OSBPL11: variants seen among roughly 807,000 people sequenced by gnomAD.
OSBPL11 encodes oxysterol-binding protein-related protein 11.
A neutral mutation model predicts 84.4 loss-of-function variants in OSBPL11; 33 were observed. The ratio of observed to expected loss-of-function variants is 0.39; its 90% CI spans 0.30 to 0.52. OSBPL11 has a LOEUF of 0.52. Among genes scored for constraint, OSBPL11 ranks in the 20% least tolerant of loss-of-function variants. OSBPL11 has a pLI of 0.72. For missense variants in OSBPL11, 736 were observed against 901.1 expected (o/e 0.82, Z 2.35); for synonymous variants, 276 against 310.2 (o/e 0.89, Z 1.16).
Position 125,539,300 on chromosome 3 carries a change from C to CATATATAT in OSBPL11, c.1842-675_1842-668dup, listed in dbSNP as rs10678056. ...AAGTTTAATGAAGAGTCACCACAGC[C>CATATATAT]ATATATATATATATATATATATATA... On this transcript the variant is annotated intron_variant, in intron 10 of 12. Coordinates refer to ENST00000296220, the MANE Select transcript of OSBPL11 (RefSeq NM_022776.5). Among the ~76,000 whole-genome samples the CATATATAT allele has an allele frequency of 4.7e-3, 317 of 67,756 alleles. 2 individuals carry two copies. Among genetic ancestry groups the CATATATAT allele is most frequent in the Middle Eastern group, 0.01 (1 of 100 alleles). 44.5% of individuals were successfully genotyped at this position (67,756 alleles called of 152,430 possible).
chr3:125,583,438 G>A lies in OSBPL11; in HGVS notation c.165-460C>T, dbSNP rs559697937. Reference sequence around the variant, plus strand: ...TCTACTAAAAATACAAAAATTCATCGGGCGTGGTGGTGTGTGCCTGTAGTC... The same window carrying A: ...TCTACTAAAAATACAAAAATTCATCAGGCGTGGTGGTGTGTGCCTGTAGTC... On this transcript the variant is annotated intron_variant, in intron 1 of 12. Transcript: ENST00000296220. Among the ~76,000 whole-genome samples the A allele has an allele frequency of 2.6e-4, 39 of 151,522 alleles. No individual in the cohort carries two copies. The South Asian group carries it at 3.3e-3, about 13-fold the overall frequency.
rs78628164 is a variant in OSBPL11 at position 125,587,171 on chromosome 3, A to G, written c.165-4193T>C. 7.8e-3 allele frequency among the ~76,000 whole-genome samples: 1,194 copies of G among 152,350 alleles called. 11 individuals carry two copies. Among genetic ancestry groups the G allele is most frequent in the Non-Finnish European group, 0.014 (923 of 68,028 alleles). ...ACAGAGGATTCAGTAGTGAGTGAGA[A>G]GGCTGAAATGACTAGATTTGATGAC... On this transcript the variant is annotated intron_variant, in intron 1 of 12. Transcript: ENST00000296220.
chr3:125,587,227 G>C (rs980457811), intron 1 of OSBPL11, among the ~76,000 whole-genome samples: 1 of 152,196 alleles, frequency 6.6e-6, no homozygotes, highest in African/African-American at 2.4e-5. Flanking sequence ...CAGAAAGAAT[G>C]AAAGTGAGAG....
At chr3:125,593,805 TAC>T (rs1381322809) in intron 1 of OSBPL11, among the ~76,000 whole-genome samples, 4 of 152,112 alleles carry the variant, frequency 2.6e-5, no homozygotes, top group African/African-American at 9.7e-5. Flanking sequence ...TAAAAAGGAC[TAC>T]AGTTAGGCAC....
At chr3:125,532,289 C>T (rs1013316985) in intron 11 of OSBPL11, among the ~76,000 whole-genome samples, 14 of 151,860 alleles carry the variant, frequency 9.2e-5, no homozygotes, top group South Asian at 2.1e-4. Flanking sequence ...TAGAAATTAA[C>T]GAGTAAAAAG....
chr3:125,551,250 A>C (rs1413854186), intron 9 of OSBPL11, among the ~76,000 whole-genome samples: 1 of 151,244 alleles, frequency 6.6e-6, no homozygotes, highest in Non-Finnish European at 1.5e-5. Context: ...TGCAGTCATT[A>C]AAATATGTTT....
At chr3:125,592,693 T>C (rs185794351) in intron 1 of OSBPL11, among the ~76,000 whole-genome samples, 1 of 151,734 alleles carries the variant, frequency 6.6e-6, no homozygotes, top group East Asian at 1.9e-4. Context: ...AGAAGAAAAA[T>C]CAACAAAATA....
chr3:125,550,540 T>C (rs1019619502), intron 9 of OSBPL11, among the ~76,000 whole-genome samples: 4 of 152,220 alleles, frequency 2.6e-5, no homozygotes, highest in African/African-American at 4.8e-5. Flanking sequence ...AAGAGGATAC[T>C]TTCTTCATAA....
At chr3:125,561,649 C>T (rs1047612156) in intron 7 of OSBPL11, among the ~76,000 whole-genome samples, 2 of 152,162 alleles carry the variant, frequency 1.3e-5, no homozygotes, top group South Asian at 4.1e-4. Flanking sequence ...ATGATCATGA[C>T]GCTATTGTCA....
intron 5 of OSBPL11, among the ~76,000 whole-genome samples, chr3:125,575,034 G>T (rs1202474823): frequency 6.6e-6 from 1 of 152,058 alleles, no homozygotes; most frequent in Admixed American, 6.6e-5. Flanking sequence ...ATCTAAAAAG[G>T]CTATTACATG....
In OSBPL11 at chr3:125,594,590, C is replaced by T. The variant is rs1322034184; in HGVS notation, c.164+47G>A. On this transcript the variant is annotated intron_variant, in intron 1 of 12. Transcript: ENST00000296220. ...CGGGATGCAGCCTCCAGGGCATATT[C>T]ACCCCTACCTCCACCTCGGGAAATA... 1.9e-6 allele frequency: 3 copies of T among 1,590,150 alleles called. No individual in the cohort carries two copies. In the African/African-American group the frequency reaches 4.0e-5, roughly 21 times the overall value.
intron 2 of OSBPL11, 148 bp downstream of exon 2, chr3:125,582,762 G>C: frequency 1.5e-6 from 1 of 649,302 alleles, no homozygotes; most frequent in Non-Finnish European, 2.6e-6. Flanking sequence ...CTAAGAAGAA[G>C]TCACCAAACT....
chr3:125,546,249 T>C (rs948509253), intron 10 of OSBPL11, among the ~76,000 whole-genome samples: 7 of 150,916 alleles, frequency 4.6e-5, no homozygotes, highest in Non-Finnish European at 4.4e-5. Context: ...TCACGGCTCA[T>C]TGCAACCTCT....
Position 125,576,959 on chromosome 3 carries a change from T to C in OSBPL11, c.490-594A>G, listed in dbSNP as rs1559846083. The stretch of plus-strand genomic sequence containing the variant: ...TCAGCTTCCCGAAGTGCTGGGATTA[T>C]AGGCATGAGCCACTGCGCCCGGCCT... On this transcript the variant is annotated intron_variant, in intron 4 of 12. Coordinates refer to ENST00000296220, the MANE Select transcript of OSBPL11 (RefSeq NM_022776.5). 5.3e-5 allele frequency among the ~76,000 whole-genome samples: 8 copies of C among 152,142 alleles called. 1 individual carries two copies. The South Asian group carries it at 8.3e-4, about 16-fold the overall frequency.
rs1184385935 is a variant in OSBPL11, at chr3:125,552,709, A to C, written c.1156-30T>G. 3 of 1,591,008 alleles carry C rather than the reference A, an allele frequency of 1.9e-6. No individual in the cohort carries two copies. The Admixed American group carries it at 5.2e-5, about 28-fold the overall frequency. ...AACAACAATCAATGAAAGAGGGGAA[A>C]TTTAATCCATGTGTAGCATATCTGT... On this transcript the variant is annotated intron_variant, in intron 8 of 12. Coordinates refer to ENST00000296220, the MANE Select transcript of OSBPL11 (RefSeq NM_022776.5).
intron 4 of OSBPL11, among the ~76,000 whole-genome samples, chr3:125,576,623 C>T (rs1936328634): frequency 6.6e-6 from 1 of 151,994 alleles, no homozygotes. Context: ...TATTCTTTCA[C>T]ATTTTATAAA....
rs1458907187 is a variant in OSBPL11 at position 125,550,408 on chromosome 3, A to C, written c.1654+1773T>G. The stretch of plus-strand genomic sequence containing the variant: ...ACACACACACACACACACACACACA[A>C]CAAACAAAAAAAAAAAAAGAGAGTA... On this transcript the variant is annotated intron_variant, in intron 9 of 12. Coordinates refer to ENST00000296220, the MANE Select transcript of OSBPL11 (RefSeq NM_022776.5). 7.0e-5 allele frequency among the ~76,000 whole-genome samples: 10 copies of C among 143,208 alleles called. No individual in the cohort carries two copies. In the East Asian group the frequency reaches 8.1e-4, roughly 12 times the overall value. The allele number at this position is 143,208 out of a possible 152,430, so 94.0% of individuals were successfully genotyped here.
At position 125,547,543 on chromosome 3, in the gene OSBPL11, G is replaced by A. The variant is rs35535572; in HGVS notation, c.1704C>T (p.Pro568=). Residue 568 remains proline, a synonymous_variant, in exon 10 of 13, where the codon CCC becomes CCT. Transcript: ENST00000296220. ...EHGEEYTFSL[P]CAYARSILTV... ...TCAAAATTGACCGAGCATATGCACA[G>A]GGTAGAGAAAATGTGTACTCTTCTC... 145,391 of 1,613,266 alleles carry A rather than the reference G, an allele frequency of 0.09. 7,126 individuals carry two copies. Among genetic ancestry groups the A allele is most frequent in the Middle Eastern group, 0.11 (639 of 6,060 alleles).
chr3:125,572,554 T>A (rs1168196512), intron 5 of OSBPL11, among the ~76,000 whole-genome samples: 1 of 152,106 alleles, frequency 6.6e-6, no homozygotes, highest in South Asian at 2.1e-4. Context: ...GTCTTTCCCA[T>A]GCTGTTCTTG....
Sources: allele counts gnomAD v4.1 joint callset (sites outside exome capture counted in the v4.1 genomes callset), GRCh38; gene constraint gnomAD v4.1.1; transcripts MANE v1.5; gene names NCBI Gene and HGNC (gene_info 2026-07-23, HGNC 2026-07-21).